The following S100A7A variants were observed in gnomAD, a reference collection of about 807,000 sequenced individuals.
The protein encoded by S100A7A is protein S100-A7A.
S100A7A carries 5 observed loss-of-function variants against 4.0 expected under a neutral mutation model. The observed-to-expected ratio is 1.26, with a 90% CI of 0.66 to 2.66. S100A7A has a LOEUF of 2.66. Ranked by LOEUF, S100A7A falls within the 30% of genes most tolerant of loss-of-function variation. The pLI, the probability that S100A7A is intolerant of heterozygous loss-of-function variation, is 0.01. For missense variants in S100A7A, 159 were observed against 125.1 expected (o/e 1.27, Z -1.29); for synonymous variants, 52 against 46.4 (o/e 1.12, Z -0.49).
intron 1 of S100A7A, among the ~76,000 whole-genome samples, chr1:153,417,653 C>G (rs1662759850): frequency 6.6e-6 from 1 of 152,242 alleles, no homozygotes; most frequent in African/African-American, 2.4e-5. Context: ...GGCCATTGTC[C>G]TGCCCCCGTG....
intron 1 of S100A7A, among the ~76,000 whole-genome samples, chr1:153,416,912 C>G (rs774587460): frequency 6.6e-6 from 1 of 152,250 alleles, no homozygotes; most frequent in African/African-American, 2.4e-5. Flanking sequence ...CCCTCCCCAG[C>G]TCTGCCCCCA....
In S100A7A at chr1:153,422,662, A is replaced by T. The variant is rs566371734; in HGVS notation, c.*3353A>T. 2 of 221,916 alleles carry T rather than the reference A, an allele frequency of 9.0e-6. No homozygotes were observed. Among genetic ancestry groups the T allele is most frequent in the Non-Finnish European group, 1.5e-5 (2 of 132,200 alleles). The allele number at this position is 221,916 out of a possible 1,614,324, so 13.7% of individuals were successfully genotyped here. On this transcript the variant is annotated 3_prime_UTR_variant, in exon 3 of 3. Transcript: ENST00000368729. ...GTGCTGTGAGCTGTCCGTGGTGCTG[A>T]ATTCACTGTGACGTCACTCCTGTCT...
In S100A7A at chr1:153,419,373, CT is replaced by C; in HGVS notation, c.*66del. Reference sequence around the variant, plus strand: ...AATAAGTGTCTCCTCCCACCAGACACTTGCCTTATTTCTTCTTCTCTTTGGT... The same window carrying C: ...AATAAGTGTCTCCTCCCACCAGACACTGCCTTATTTCTTCTTCTCTTTGGT... On this transcript the variant is annotated 3_prime_UTR_variant, in exon 3 of 3. Transcript: ENST00000368729. 1 of 1,517,434 alleles carries C rather than the reference CT, an allele frequency of 6.6e-7. No homozygotes were observed. The highest frequency in any genetic ancestry group is 8.9e-7 in the Non-Finnish European group (1 of 1,118,994). 94.0% of individuals were successfully genotyped at this position (1,517,434 alleles called of 1,614,324 possible).
At chr1:153,417,023 G>GCTTGGCCTCTGGCCTTGGC (rs1196216627) in intron 1 of S100A7A, among the ~76,000 whole-genome samples, 3 of 152,270 alleles carry the variant, frequency 2.0e-5, no homozygotes, top group African/African-American at 4.8e-5. Context: ...TGGGCACAGG[G>GCTTGGCCTCTGGCCTTGGC]CTTGGCCTCT....
Position 153,421,908 on chromosome 1 carries a change from GA to G in S100A7A, c.*2602del, listed in dbSNP as rs1465922678. 1 of 152,244 alleles carries G rather than the reference GA, an allele frequency of 6.6e-6. No homozygotes were observed. The highest frequency in any genetic ancestry group is 1.5e-5 in the Non-Finnish European group (1 of 68,056). The allele number at this position is 152,244 out of a possible 1,614,324, so 9.4% of individuals were successfully genotyped here. A position where few individuals can be genotyped will look rare whatever the true frequency, so the allele number is the denominator to read the frequency against. On this transcript the variant is annotated 3_prime_UTR_variant, in exon 3 of 3. Transcript: ENST00000368729. ...TCTTCATCTTCTTGTCTAGGTTTTAGAAATCACCTTCTCAAGGGAGCCTTGT... is the reference window on the plus strand; with the variant it reads ...TCTTCATCTTCTTGTCTAGGTTTTAGAATCACCTTCTCAAGGGAGCCTTGT...
At chr1:153,418,299 G>A in intron 2 of S100A7A, 76 bp downstream of exon 2, 1 of 1,582,838 alleles carries the variant, frequency 6.3e-7, no homozygotes, top group East Asian at 2.2e-5. Context: ...TGTGGCCTTG[G>A]ACAGGTCACC....
Position 153,419,434 on chromosome 1 carries a change from A to G in S100A7A, c.*125A>G. Reference sequence around the variant, plus strand: ...TGTCAAAACTACCAATTCCAGGTTAACTTTGTTGGAGAATTTCCCCCACCC... The same window carrying G: ...TGTCAAAACTACCAATTCCAGGTTAGCTTTGTTGGAGAATTTCCCCCACCC... On this transcript the variant is annotated 3_prime_UTR_variant, in exon 3 of 3. Transcript: ENST00000368729. 6 of 1,133,670 alleles carry G rather than the reference A, an allele frequency of 5.3e-6. No homozygotes were observed. In the South Asian group the frequency reaches 8.1e-5, roughly 15 times the overall value. The allele number at this position is 1,133,670 out of a possible 1,614,324, so 70.2% of individuals were successfully genotyped here.
intron 1 of S100A7A, 80 bp from the exon 2 acceptor site, chr1:153,417,986 C>T: frequency 3.2e-6 from 5 of 1,550,670 alleles, no homozygotes; most frequent in Non-Finnish European, 4.4e-6. Context: ...TTACTCTGTC[C>T]TCAGCCCTCC....
At chr1:153,417,805 T>A in intron 1 of S100A7A, 1 of 366,950 alleles carries the variant, frequency 2.7e-6, no homozygotes, top group Non-Finnish European at 4.9e-6. Flanking sequence ...CTGCTTCTCC[T>A]TCTCTGAAGC....
chr1:153,419,205 A>G lies in S100A7A; in HGVS notation c.202A>G (p.Lys68Glu), dbSNP rs1662826847. 1 of 1,614,184 alleles carries G rather than the reference A, an allele frequency of 6.2e-7. No homozygotes were observed. The highest frequency in any genetic ancestry group is 1.3e-5 in the African/African-American group (1 of 75,052). ...TGAGAAAAAGGACAAGAATGAGGAT[A>G]AGAAGATTGATTTTTCTGAGTTTCT... is the stretch of plus-strand genomic sequence containing the variant. ...VFEKKDKNED[K>E]KIDFSEFLSL... Residue 68 changes from lysine to glutamate, a missense_variant, in exon 3 of 3, where the codon AAG becomes GAG. By Grantham distance (56) the Lys-to-Glu change is moderately conservative (BLOSUM62 1). Coordinates refer to ENST00000368729, the MANE Select transcript of S100A7A (RefSeq NM_176823.4).
rs1419862029 is a variant in S100A7A, at chr1:153,422,929, AT to A, written c.*3621del. On this transcript the variant is annotated 3_prime_UTR_variant, in exon 3 of 3. Coordinates refer to ENST00000368729, the MANE Select transcript of S100A7A (RefSeq NM_176823.4). ...ATAAAAACACCATGAGAGCATACTCATACATGTTCCCTTATAAATCTGCGAG... is the reference window on the plus strand; with the variant it reads ...ATAAAAACACCATGAGAGCATACTCAACATGTTCCCTTATAAATCTGCGAG... 6.6e-6 allele frequency: 1 copy of A among 152,242 alleles called. No individual in the cohort carries two copies. The highest frequency in any genetic ancestry group is 2.4e-5 in the African/African-American group (1 of 41,466). 9.4% of individuals were successfully genotyped at this position (152,242 alleles called of 1,614,324 possible).
chr1:153,418,034 A>C, intron 1 of S100A7A, 32 bp from the exon 2 acceptor site: 4 of 1,609,624 alleles, frequency 2.5e-6, no homozygotes, highest in Non-Finnish European at 3.4e-6. Context: ...ATTCAAACTA[A>C]GGTAAGAAAT....
intron 1 of S100A7A, 38 bp downstream of exon 1, chr1:153,416,601 C>T: frequency 2.2e-6 from 1 of 451,912 alleles, no homozygotes. Context: ...TCTAGAAGTG[C>T]CCAGTGCCCA....
rs1662876280 is a variant in S100A7A, at chr1:153,420,665, A to G, written c.*1356A>G. 2 of 152,238 alleles carry G rather than the reference A, an allele frequency of 1.3e-5. No individual in the cohort carries two copies. Among genetic ancestry groups the G allele is most frequent in the South Asian group, 4.1e-4 (2 of 4,824 alleles). The allele number at this position is 152,238 out of a possible 1,614,324, so 9.4% of individuals were successfully genotyped here. A position where few individuals can be genotyped will look rare whatever the true frequency, so the allele number is the denominator to read the frequency against. On this transcript the variant is annotated 3_prime_UTR_variant, in exon 3 of 3. Transcript: ENST00000368729. ...ATTCTGCACCTCGTCAGCCTTCAGG[A>G]CTGATCTGCCATTTTCACCTCTAAA... is the stretch of plus-strand genomic sequence containing the variant.
Position 153,423,218 on chromosome 1 carries a change from G to C in S100A7A, c.*3909G>C, listed in dbSNP as rs1662941980. On this transcript the variant is annotated 3_prime_UTR_variant, in exon 3 of 3. Transcript: ENST00000368729. ...ATTTCATATTAAAACTCAATTTCTA[G>C]TAGAGTCTTTGGTTTCCTTGGTTTA... The C allele has an allele frequency of 6.6e-6, 1 of 151,920 alleles. No individual in the cohort carries two copies. Among genetic ancestry groups the C allele is most frequent in the Non-Finnish European group, 1.5e-5 (1 of 67,958 alleles). 9.4% of individuals were successfully genotyped at this position (151,920 alleles called of 1,614,324 possible). A position where few individuals can be genotyped will look rare whatever the true frequency, so the allele number is the denominator to read the frequency against.
rs758036881 is a variant in S100A7A at position 153,418,214 on chromosome 1, C to T, written c.132C>T (p.Leu44=). The T allele has an allele frequency of 1.0e-4, 166 of 1,613,974 alleles. 1 individual carries two copies. The Middle Eastern group carries it at 2.0e-3, about 19-fold the overall frequency. ...TMMKENFPNF[L]SACDKKGIHY... is the part of the protein sequence containing the mutation. Reference sequence around the variant, plus strand: ...TGAAGGAGAACTTCCCCAATTTCCTCAGTGCCTGTGTGAGTTGGGGTCTAG... The same window carrying T: ...TGAAGGAGAACTTCCCCAATTTCCTTAGTGCCTGTGTGAGTTGGGGTCTAG... Residue 44 remains leucine (L), a synonymous_variant, in exon 2 of 3, where the codon CTC becomes CTT. Coordinates refer to ENST00000368729, the MANE Select transcript of S100A7A (RefSeq NM_176823.4).
In S100A7A at chr1:153,420,339, C is replaced by A. The variant is rs1164789168; in HGVS notation, c.*1030C>A. ...GGCCACAACACAGGGTCAGTGTTCA[C>A]CTGGTGTCACTTCCAGGCAATGTTC... On this transcript the variant is annotated 3_prime_UTR_variant, in exon 3 of 3. Coordinates refer to ENST00000368729, the MANE Select transcript of S100A7A (RefSeq NM_176823.4). 6.6e-6 allele frequency: 1 copy of A among 152,328 alleles called. No homozygotes were observed. The highest frequency in any genetic ancestry group is 1.5e-5 in the Non-Finnish European group (1 of 68,182). 9.4% of individuals were successfully genotyped at this position (152,328 alleles called of 1,614,324 possible). A position where few individuals can be genotyped will look rare whatever the true frequency, so the allele number is the denominator to read the frequency against.
chr1:153,419,819 G>T lies in S100A7A; in HGVS notation c.*510G>T. 1 of 155,186 alleles carries T rather than the reference G, an allele frequency of 6.4e-6. No individual in the cohort carries two copies. The highest frequency in any genetic ancestry group is 1.4e-5 in the Non-Finnish European group (1 of 70,084). 9.6% of individuals were successfully genotyped at this position (155,186 alleles called of 1,614,324 possible). The stretch of plus-strand genomic sequence containing the variant: ...ATTCCTGGATGGCTTCAGGTTCAGC[G>T]CCCTTGGGGCTATGAATGGGAGGCT... On this transcript the variant is annotated 3_prime_UTR_variant, in exon 3 of 3. Transcript: ENST00000368729.
chr1:153,417,969 G>T (rs1662771845), intron 1 of S100A7A, 97 bp from the exon 2 acceptor site: 7 of 1,447,056 alleles, frequency 4.8e-6, no homozygotes, highest in African/African-American at 2.9e-5. Flanking sequence ...CCATCTTAGG[G>T]CTGTTTTTAC....
Sources: gnomAD v4.1 joint callset for allele counts (sites outside exome capture counted in the v4.1 genomes callset) on GRCh38, gnomAD v4.1.1 for gene constraint, MANE v1.5 for transcripts, NCBI Gene and HGNC (gene_info 2026-07-23, HGNC 2026-07-21) for gene names.